NBAS: variants seen among roughly 807,000 people sequenced by gnomAD.
NBAS encodes NAG/BC035112 fusion.
Under a neutral mutation model 302.5 loss-of-function variants are expected in NBAS, and 219 were observed. That is an observed-to-expected ratio of 0.72 (90% CI 0.65 to 0.81). NBAS has a LOEUF of 0.81. NBAS is among the 30% of genes least tolerant of loss of function. NBAS has a pLI of 0.00. For synonymous variants in NBAS, 1,118 were observed against 1,021.6 expected, an observed-to-expected ratio of 1.09 and a Z score of -1.80; for missense variants, 2,932 against 2,841.6, an observed-to-expected ratio of 1.03 and a Z score of -0.72.
At chr2:14,836,463 T>C in the NBAS span, among the ~76,000 whole-genome samples, 1 of 151,948 alleles carries the variant, frequency 6.6e-6, no homozygotes, top group East Asian at 1.9e-4. Context: ...ATTTTGCATA[T>C]ATCTTGAAGT....
intron 28 of NBAS, among the ~76,000 whole-genome samples, chr2:15,384,485 A>G (rs930094580): frequency 4.0e-5 from 6 of 151,748 alleles, no homozygotes; most frequent in Admixed American, 1.3e-4. Context: ...CCCTTTTTGT[A>G]TAGCATAAAG....
Position 15,457,505 on chromosome 2 carries a change from C to T in NBAS, c.2339+3696G>A, listed in dbSNP as rs77695604. On this transcript the variant is annotated intron_variant, in intron 21 of 51. Coordinates refer to ENST00000281513, the MANE Select transcript of NBAS (RefSeq NM_015909.4). ...AAAAGAGCAGAATGAGCTGCAATTA[C>T]TTATTTAGGGTATGTTTAAGTTTTC... Among the ~76,000 whole-genome samples, 1,261 of 152,278 alleles carry T rather than the reference C, an allele frequency of 8.3e-3. 21 individuals are homozygous for T. Among genetic ancestry groups the T allele is most frequent in the East Asian group, 0.059 (308 of 5,182 alleles).
chr2:14,990,785 A>T, the NBAS span, among the ~76,000 whole-genome samples: 31,754 of 152,066 alleles, frequency 0.21, 4,951 homozygotes, highest in African/African-American at 0.43. Context: ...CTTTTTAAAT[A>T]CAACATATAT....
Position 15,424,576 on chromosome 2 carries a change from G to A in NBAS, c.2424-108C>T, listed in dbSNP as rs973461629. On this transcript the variant is annotated intron_variant, in intron 22 of 51. Transcript: ENST00000281513. ...AGATGGGGAGAAAGTAAGAGACAGGGAGCATACATGTATGTGGTTTGTGTA... is the reference window on the plus strand; with the variant it reads ...AGATGGGGAGAAAGTAAGAGACAGGAAGCATACATGTATGTGGTTTGTGTA... 29 of 1,264,790 alleles carry A rather than the reference G, an allele frequency of 2.3e-5. 1 individual carries two copies. The Admixed American group carries it at 4.2e-4, about 18-fold the overall frequency. The allele number at this position is 1,264,790 out of a possible 1,614,324, so 78.3% of individuals were successfully genotyped here.
chr2:14,842,861 A>AAAC, the NBAS span, among the ~76,000 whole-genome samples: 19 of 145,950 alleles, frequency 1.3e-4, no homozygotes, highest in African/African-American at 4.3e-4. Flanking sequence ...AAAAAAAAAA[A>AAAC]AAACATATAC....
the NBAS span, among the ~76,000 whole-genome samples, chr2:15,131,203 A>G: frequency 6.6e-6 from 1 of 152,208 alleles, no homozygotes; most frequent in African/African-American, 2.4e-5. Context: ...TTTTAAAAAA[A>G]TTTTAAATGA....
chr2:15,448,123 A>C (rs1319194479), intron 21 of NBAS, among the ~76,000 whole-genome samples: 1 of 152,210 alleles, frequency 6.6e-6, no homozygotes, highest in East Asian at 1.9e-4. Context: ...TAAAGTTTCA[A>C]CATGAATTTT....
chr2:14,890,095 A>T, the NBAS span, among the ~76,000 whole-genome samples: 1 of 152,226 alleles, frequency 6.6e-6, no homozygotes, highest in Non-Finnish European at 1.5e-5. Context: ...ATTCTAAAAA[A>T]TTACAGACTT....
chr2:15,491,463 G>A (rs1191113004), intron 11 of NBAS, among the ~76,000 whole-genome samples: 8 of 152,154 alleles, frequency 5.3e-5, no homozygotes, highest in Non-Finnish European at 7.3e-5. Context: ...TTGGCCAGGC[G>A]CAGTGGCTCA....
At chr2:15,559,854 A>C (rs1449413913) in intron 1 of NBAS, among the ~76,000 whole-genome samples, 2 of 152,250 alleles carry the variant, frequency 1.3e-5, no homozygotes, top group African/African-American at 2.4e-5. Flanking sequence ...ATGAGTGTTA[A>C]GGAGTGGAAA....
At chr2:15,301,409 C>T (rs1245583138) in intron 40 of NBAS, among the ~76,000 whole-genome samples, 1 of 152,226 alleles carries the variant, frequency 6.6e-6, no homozygotes, top group East Asian at 1.9e-4. Flanking sequence ...AAATCCCACA[C>T]CGTGTTCTGC....
chr2:14,829,021 G>A, the NBAS span, among the ~76,000 whole-genome samples: 1 of 151,838 alleles, frequency 6.6e-6, no homozygotes, highest in Non-Finnish European at 1.5e-5. Flanking sequence ...TTAATTGCCT[G>A]GTGGTGATTT....
chr2:15,308,398 T>G (rs374786060), intron 39 of NBAS, 45 bp from the exon 40 acceptor site: 1 of 1,600,790 alleles, frequency 6.2e-7, no homozygotes, highest in Non-Finnish European at 8.5e-7. Context: ...AAGGAAATTA[T>G]GAAGATCATT....
At chr2:15,281,060 C>T (rs899276373) in intron 42 of NBAS, among the ~76,000 whole-genome samples, 6 of 152,032 alleles carry the variant, frequency 3.9e-5, no homozygotes, top group African/African-American at 9.7e-5. Flanking sequence ...TCAAGAACAC[C>T]CAGGGAGTTG....
At chr2:15,092,793 G>T in the NBAS span, among the ~76,000 whole-genome samples, 6 of 152,092 alleles carry the variant, frequency 3.9e-5, no homozygotes, top group East Asian at 1.2e-3. Flanking sequence ...TGGGTTTCAG[G>T]GATTTGCATA....
the NBAS span, among the ~76,000 whole-genome samples, chr2:14,968,857 AAAAC>A: frequency 6.6e-6 from 1 of 152,226 alleles, no homozygotes; most frequent in Non-Finnish European, 1.5e-5. Context: ...ATATCAAAGA[AAAAC>A]AAAAATGGAC....
chr2:15,439,972 C>A (rs1159237339), intron 21 of NBAS, among the ~76,000 whole-genome samples: 3 of 152,236 alleles, frequency 2.0e-5, no homozygotes, highest in African/African-American at 7.2e-5. Context: ...CCGCCATTGC[C>A]CAGACTTGCT....
chr2:14,893,303 G>T, the NBAS span, among the ~76,000 whole-genome samples: 1 of 151,826 alleles, frequency 6.6e-6, no homozygotes, highest in East Asian at 1.9e-4. Context: ...CAAGAAAACT[G>T]CTTTTGGATT....
At chr2:14,945,067 C>T in the NBAS span, among the ~76,000 whole-genome samples, 35 of 152,200 alleles carry the variant, frequency 2.3e-4, no homozygotes, top group African/African-American at 7.5e-4. Flanking sequence ...AAAGGAGATG[C>T]CAAATCAGAG....
Sources: gnomAD v4.1 joint callset for allele counts (sites outside exome capture counted in the v4.1 genomes callset) on GRCh38, gnomAD v4.1.1 for gene constraint, MANE v1.5 for transcripts, NCBI Gene and HGNC (gene_info 2026-07-23, HGNC 2026-07-21) for gene names.